Variants in LTBP1 observed in about 807,000 individuals in gnomAD.
LTBP1 encodes the protein latent transforming growth factor beta binding protein 1.
A neutral mutation model predicts 207.6 loss-of-function variants in LTBP1; 129 were observed. That is an observed-to-expected ratio of 0.62 (90% CI 0.54 to 0.72). LTBP1 has a LOEUF of 0.72. Ranked by LOEUF, LTBP1 falls within the 30% of genes least tolerant of loss-of-function variation. LTBP1 has a pLI of 0.00. For synonymous variants in LTBP1, 963 were observed against 833.7 expected, an observed-to-expected ratio of 1.16 and a Z score of -2.67; for missense variants, 2,281 against 2,217.2, an observed-to-expected ratio of 1.03 and a Z score of -0.58.
chr2:33,328,391 A>G (rs1559019897), intron 24 of LTBP1, among the ~76,000 whole-genome samples: 1 of 152,168 alleles, frequency 6.6e-6, no homozygotes, highest in Non-Finnish European at 1.5e-5. Context: ...GTTCTCTGCT[A>G]GAACACTGCT....
intron 3 of LTBP1, among the ~76,000 whole-genome samples, chr2:33,071,257 C>T (rs75137154): frequency 6.6e-6 from 1 of 152,292 alleles, no homozygotes; most frequent in Non-Finnish European, 1.5e-5. Context: ...TCATTCATAC[C>T]TCACTACCTG....
Position 33,305,375 on chromosome 2 carries a change from A to T in LTBP1, c.3481+3731A>T, listed in dbSNP as rs189291874. On this transcript the variant is annotated intron_variant, in intron 22 of 33. Transcript: ENST00000404816. ...AAAATATATAGTTCGTTAAATGGCAATAAATTTTACAGAGAAAATAGAGCG... is the reference window on the plus strand; with the variant it reads ...AAAATATATAGTTCGTTAAATGGCATTAAATTTTACAGAGAAAATAGAGCG... Among the ~76,000 whole-genome samples the T allele has an allele frequency of 1.3e-3, 193 of 152,328 alleles. 5 individuals carry two copies. The highest frequency in any genetic ancestry group is 0.012 in the Admixed American group (189 of 15,284).
intron 2 of LTBP1, among the ~76,000 whole-genome samples, chr2:32,965,812 G>A (rs143309535): frequency 2.0e-5 from 3 of 152,286 alleles, no homozygotes; most frequent in East Asian, 1.9e-4. Flanking sequence ...TTGTGTGGAC[G>A]TAAGTTTTCA....
In LTBP1 at chr2:33,104,881, C is replaced by T. The variant is rs117897164; in HGVS notation, c.864-5701C>T. Among the ~76,000 whole-genome samples, 1,217 of 152,238 alleles carry T rather than the reference C, an allele frequency of 8.0e-3. 11 individuals are homozygous for T. Among genetic ancestry groups the T allele is most frequent in the Middle Eastern group, 0.01 (3 of 292 alleles). On this transcript the variant is annotated intron_variant, in intron 3 of 33. Coordinates refer to ENST00000404816, the MANE Select transcript of LTBP1 (RefSeq NM_206943.4). ...TTCTTCTGACAGACATGACTCAGCA[C>T]GCCTCATTGCACTTACTTTTCCCCT...
At chr2:33,180,290 T>G (rs2148663585) in intron 5 of LTBP1, among the ~76,000 whole-genome samples, 1 of 152,314 alleles carries the variant, frequency 6.6e-6, no homozygotes, top group East Asian at 1.9e-4. Flanking sequence ...GTCCACATTC[T>G]TCTTTCTTGG....
intron 3 of LTBP1, among the ~76,000 whole-genome samples, chr2:33,088,008 A>G (rs1332080395): frequency 6.6e-6 from 1 of 152,244 alleles, no homozygotes; most frequent in Non-Finnish European, 1.5e-5. Context: ...TTTGGTGCTG[A>G]AATAGTAAAC....
At chr2:33,161,260 TC>T (rs1463785983) in intron 5 of LTBP1, among the ~76,000 whole-genome samples, 1 of 150,466 alleles carries the variant, frequency 6.6e-6, no homozygotes, top group Non-Finnish European at 1.5e-5. Flanking sequence ...TTTTTTTTTT[TC>T]CTTTTTTTTT....
chr2:33,360,535 CTTG>C (rs1206345947), intron 26 of LTBP1, 59 bp from the exon 27 acceptor site: 5 of 1,076,842 alleles, frequency 4.6e-6, no homozygotes, highest in African/African-American at 1.6e-5. Context: ...GCATTCTCTA[CTTG>C]TTGTCTTAGG....
intron 4 of LTBP1, among the ~76,000 whole-genome samples, chr2:33,124,260 A>T (rs1459927843): frequency 1.3e-5 from 2 of 152,180 alleles, no homozygotes; most frequent in Non-Finnish European, 2.9e-5. Context: ...AAATACAAAA[A>T]TTAGCCGGGC....
intron 26 of LTBP1, among the ~76,000 whole-genome samples, chr2:33,358,394 TA>T (rs1015042619): frequency 5.3e-5 from 8 of 151,992 alleles, no homozygotes; most frequent in African/African-American, 1.9e-4. Context: ...TATTTGTCTA[TA>T]TATATGTGTG....
In LTBP1 at chr2:32,946,992, C is replaced by A; in HGVS notation, c.-333C>A. 1 of 201,514 alleles carries A rather than the reference C, an allele frequency of 5.0e-6. No homozygotes were observed. Among genetic ancestry groups the A allele is most frequent in the Non-Finnish European group, 9.9e-6 (1 of 100,512 alleles). The allele number at this position is 201,514 out of a possible 1,614,324, so 12.5% of individuals were successfully genotyped here. ...GCTCTCGCTCGCTCTCGGCCACCCTCGCCGGGCCCCGCTGCGGCGCGCGCT... is the reference window on the plus strand; with the variant it reads ...GCTCTCGCTCGCTCTCGGCCACCCTAGCCGGGCCCCGCTGCGGCGCGCGCT... On this transcript the variant is annotated 5_prime_UTR_variant, in exon 1 of 34. Transcript: ENST00000404816.
In LTBP1 at chr2:33,350,887, T is replaced by A. The variant is rs186534772; in HGVS notation, c.4000+3377T>A. Reference sequence around the variant, plus strand: ...CCTTCAGACCTTACCCACAAAATGCTGTTCTTTTCCTTGATTGGTGTACAG... The same window carrying A: ...CCTTCAGACCTTACCCACAAAATGCAGTTCTTTTCCTTGATTGGTGTACAG... On this transcript the variant is annotated intron_variant, in intron 26 of 33. Coordinates refer to ENST00000404816, the MANE Select transcript of LTBP1 (RefSeq NM_206943.4). Among the ~76,000 whole-genome samples the A allele has an allele frequency of 3.3e-5, 5 of 152,318 alleles. No individual in the cohort carries two copies. In the East Asian group the frequency reaches 9.6e-4, roughly 29 times the overall value.
intron 5 of LTBP1, among the ~76,000 whole-genome samples, chr2:33,155,379 T>G (rs75496188): frequency 0.015 from 2,286 of 152,318 alleles, 23 homozygotes; most frequent in East Asian, 0.027. Context: ...CTAATACAGA[T>G]TATTAAACAC....
chr2:33,125,286 C>G (rs2081361516), intron 4 of LTBP1, among the ~76,000 whole-genome samples: 1 of 152,244 alleles, frequency 6.6e-6, no homozygotes, highest in South Asian at 2.1e-4. Context: ...GTGAACATCT[C>G]TGGTTTCCTT....
intron 10 of LTBP1, among the ~76,000 whole-genome samples, chr2:33,246,472 C>T (rs187399493): frequency 8.6e-5 from 12 of 138,920 alleles, no homozygotes; most frequent in Admixed American, 4.1e-4. Context: ...ATCACACACA[C>T]GCACACGCAC....
chr2:33,330,082 T>C lies in LTBP1; in HGVS notation c.3731-12756T>C, dbSNP rs1191794984. On this transcript the variant is annotated intron_variant, in intron 24 of 33. Coordinates refer to ENST00000404816, the MANE Select transcript of LTBP1 (RefSeq NM_206943.4). ...TTGTTGGAGATTTTTGTATAAAGTCTTTCACAGCTTATTTAAGACTTATTC... is the reference window on the plus strand; with the variant it reads ...TTGTTGGAGATTTTTGTATAAAGTCCTTCACAGCTTATTTAAGACTTATTC... 5.3e-5 allele frequency among the ~76,000 whole-genome samples: 8 copies of C among 152,090 alleles called. No homozygotes were observed. In the East Asian group the frequency reaches 1.3e-3, roughly 26 times the overall value.
At chr2:33,248,320 A>G (rs2092574623) in intron 10 of LTBP1, among the ~76,000 whole-genome samples, 1 of 152,206 alleles carries the variant, frequency 6.6e-6, no homozygotes, top group Non-Finnish European at 1.5e-5. Flanking sequence ...TAATTTAGAA[A>G]TGAAGGAATT....
At chr2:32,955,317 TTTTTA>T in intron 2 of LTBP1, among the ~76,000 whole-genome samples, 1 of 152,348 alleles carries the variant, frequency 6.6e-6, no homozygotes, top group East Asian at 1.9e-4. Context: ...GCACATGCAG[TTTTTA>T]CATCCAGTTT....
rs2092717155 is a variant in LTBP1 at position 33,252,678 on chromosome 2, T to C, written c.2001T>C (p.Pro667=). ...GPDPTFSSCV[P]DPPVISEEKG... ...TCGGGCTTTATCTCTCTGCTTCAGCTGATCCCCCTGTGATCTCGGAAGAGA... is the reference window on the plus strand; with the variant it reads ...TCGGGCTTTATCTCTCTGCTTCAGCCGATCCCCCTGTGATCTCGGAAGAGA... Residue 667 remains proline (P), a splice_region_variant and synonymous_variant, in exon 11 of 34, where the codon CCT becomes CCC. Coordinates refer to ENST00000404816, the MANE Select transcript of LTBP1 (RefSeq NM_206943.4). 2 of 1,609,370 alleles carry C rather than the reference T, an allele frequency of 1.2e-6. No homozygotes were observed. Among genetic ancestry groups the C allele is most frequent in the South Asian group, 2.2e-5 (2 of 90,618 alleles).
Sources: gnomAD v4.1 joint callset for allele counts (sites outside exome capture counted in the v4.1 genomes callset) on GRCh38, gnomAD v4.1.1 for gene constraint, MANE v1.5 for transcripts, NCBI Gene and HGNC (gene_info 2026-07-23, HGNC 2026-07-21) for gene names.